The following CLNK variants were observed in gnomAD, a reference collection of about 807,000 sequenced individuals.
CLNK encodes the protein cytokine-dependent hematopoietic cell linker.
CLNK carries 74 observed loss-of-function variants against 68.6 expected under a neutral mutation model. The observed-to-expected ratio is 1.08, with a 90% CI of 0.89 to 1.31. The LOEUF (loss-of-function observed/expected upper bound fraction) is 1.31. Among genes scored for constraint, CLNK ranks in the 50% most tolerant of loss-of-function variants. CLNK has a pLI of 0.00. For missense variants in CLNK, 553 were observed against 515.3 expected, an observed-to-expected ratio of 1.07 and a Z score of -0.71; for synonymous variants, 198 against 172.2, an observed-to-expected ratio of 1.15 and a Z score of -1.17.
intron 18 of CLNK, among the ~76,000 whole-genome samples, chr4:10,497,000 T>A (rs1268262868): frequency 2.0e-5 from 3 of 152,204 alleles, no homozygotes; most frequent in Non-Finnish European, 4.4e-5. Context: ...TGTTTGTGTG[T>A]TTTGTCCAAT....
chr4:10,554,159 C>T (rs975884604), intron 8 of CLNK, among the ~76,000 whole-genome samples: 4 of 152,156 alleles, frequency 2.6e-5, no homozygotes, highest in Non-Finnish European at 4.4e-5. Context: ...TTTAGAATGT[C>T]CTGCTTCTGA....
the CLNK span, among the ~76,000 whole-genome samples, chr4:10,696,009 C>A: frequency 1.1e-3 from 165 of 152,060 alleles, no homozygotes; most frequent in Non-Finnish European, 2.1e-3. Flanking sequence ...GTGCCTACCA[C>A]CCTGCCTGGT....
chr4:10,654,868 C>T (rs1051089982), intron 2 of CLNK, among the ~76,000 whole-genome samples: 1 of 151,848 alleles, frequency 6.6e-6, no homozygotes, highest in Admixed American at 6.6e-5. Context: ...TTTGGGAGGC[C>T]GAGGCGGGCG....
At chr4:10,554,042 A>G (rs1577125838) in intron 8 of CLNK, among the ~76,000 whole-genome samples, 1 of 152,158 alleles carries the variant, frequency 6.6e-6, no homozygotes, top group East Asian at 1.9e-4. Context: ...AGATTCTGCT[A>G]TTTTAAAACT....
chr4:10,621,910 C>T (rs570782641), intron 2 of CLNK, among the ~76,000 whole-genome samples: 5 of 152,250 alleles, frequency 3.3e-5, no homozygotes, highest in African/African-American at 9.6e-5. Context: ...CAGCACTGTG[C>T]CATTTAGCCC....
the CLNK span, among the ~76,000 whole-genome samples, chr4:10,690,187 A>G: frequency 6.6e-6 from 1 of 152,226 alleles, no homozygotes; most frequent in East Asian, 1.9e-4. Flanking sequence ...TCCGGGAACT[A>G]TGTTGGGGTG....
intron 1 of CLNK, among the ~76,000 whole-genome samples, chr4:10,682,411 T>C (rs1680283987): frequency 6.6e-6 from 1 of 152,146 alleles, no homozygotes; most frequent in Admixed American, 6.6e-5. Flanking sequence ...ATATAACTGC[T>C]CCATGTACTA....
chr4:10,633,495 C>T (rs755178332), intron 2 of CLNK, among the ~76,000 whole-genome samples: 4 of 152,182 alleles, frequency 2.6e-5, no homozygotes, highest in Admixed American at 2.6e-4. Context: ...TTCCCATTCC[C>T]TATATGGTGA....
the CLNK span, among the ~76,000 whole-genome samples, chr4:10,706,926 AC>A: frequency 4.0e-5 from 6 of 151,672 alleles, no homozygotes; most frequent in South Asian, 1.3e-3. Context: ...GCCTCATCAG[AC>A]CCCCCTCCCT....
chr4:10,661,118 C>A (rs1724175936), intron 2 of CLNK, among the ~76,000 whole-genome samples: 2 of 152,132 alleles, frequency 1.3e-5, no homozygotes, highest in South Asian at 2.1e-4. Context: ...TTTATTCCTG[C>A]AAATCAAAGT....
At chr4:10,685,412 A>T (rs1402369177), upstream of CLNK, among the ~76,000 whole-genome samples, 1 of 152,202 alleles carries the variant, frequency 6.6e-6, no homozygotes, top group Non-Finnish European at 1.5e-5. Context: ...TTTTAGAAGT[A>T]TTTCAATAAA....
In CLNK at chr4:10,487,111, A is replaced by G. The variant is rs1716381035; in HGVS notation, c.*3356T>C. 1 of 152,234 alleles carries G rather than the reference A, an allele frequency of 6.6e-6. No homozygotes were observed. The highest frequency in any genetic ancestry group is 1.5e-5 in the Non-Finnish European group (1 of 68,032). The allele number at this position is 152,234 out of a possible 1,614,324, so 9.4% of individuals were successfully genotyped here. A position where few individuals can be genotyped will look rare whatever the true frequency, so the allele number is the denominator to read the frequency against. Reference sequence around the variant, plus strand: ...GATAAAGCTAAAATTCTATTACTCTATTGAAATCAGATATCAAGTGATACT... The same window carrying G: ...GATAAAGCTAAAATTCTATTACTCTGTTGAAATCAGATATCAAGTGATACT... On this transcript the variant is annotated 3_prime_UTR_variant, in exon 19 of 19. Coordinates refer to ENST00000226951, the MANE Select transcript of CLNK (RefSeq NM_052964.4).
chr4:10,701,438 C>T, the CLNK span, among the ~76,000 whole-genome samples: 1 of 152,190 alleles, frequency 6.6e-6, no homozygotes, highest in Admixed American at 6.5e-5. Context: ...CACTGAATTC[C>T]TAGCCCTTGC....
intron 1 of CLNK, among the ~76,000 whole-genome samples, chr4:10,680,507 T>G (rs1372460197): frequency 6.6e-6 from 1 of 151,796 alleles, no homozygotes; most frequent in Non-Finnish European, 1.5e-5. Flanking sequence ...CCCTAAAACT[T>G]AAAGTATAAT....
intron 2 of CLNK, among the ~76,000 whole-genome samples, chr4:10,607,721 T>G (rs974191197): frequency 6.6e-6 from 1 of 152,196 alleles, no homozygotes; most frequent in Non-Finnish European, 1.5e-5. Flanking sequence ...CTCCCATTTA[T>G]GGTGTTTTCA....
At chr4:10,730,746 T>C in the CLNK span, among the ~76,000 whole-genome samples, 6 of 152,338 alleles carry the variant, frequency 3.9e-5, no homozygotes, top group African/African-American at 4.8e-5. Flanking sequence ...TCTTACTTCA[T>C]TGTGGTCACC....
chr4:10,699,508 A>ATTTTTTT, the CLNK span, among the ~76,000 whole-genome samples: 1 of 19,762 alleles, frequency 5.1e-5, no homozygotes, highest in Non-Finnish European at 1.2e-4. Flanking sequence ...ATATATATAT[A>ATTTTTTT]TATATTTTTT....
At chr4:10,630,780 T>C (rs2531208) in intron 2 of CLNK, among the ~76,000 whole-genome samples, 103,195 of 152,134 alleles carry the variant, frequency 0.68, 36,109 homozygotes, top group East Asian at 0.77. Flanking sequence ...ATGAGGTACT[T>C]ACCACAGCCT....
chr4:10,577,925 C>T (rs1250616023), intron 4 of CLNK, among the ~76,000 whole-genome samples: 1 of 152,150 alleles, frequency 6.6e-6, no homozygotes, highest in Admixed American at 6.5e-5. Flanking sequence ...AGGAAGGCAA[C>T]ATGTATTTCA....
Sources: gnomAD v4.1 joint callset for allele counts (sites outside exome capture counted in the v4.1 genomes callset) on GRCh38, gnomAD v4.1.1 for gene constraint, MANE v1.5 for transcripts, NCBI Gene and HGNC (gene_info 2026-07-23, HGNC 2026-07-21) for gene names.